The following LRRTM4 variants were observed in gnomAD, a reference collection of about 807,000 sequenced individuals.
The protein encoded by LRRTM4 is leucine-rich repeat transmembrane neuronal protein 4.
In LRRTM4, 25 loss-of-function variants were observed where a neutral mutation model predicts 47.6. The ratio of observed to expected loss-of-function variants is 0.53; its 90% CI spans 0.38 to 0.73. The LOEUF (loss-of-function observed/expected upper bound fraction) is 0.73, where lower values mean the gene tolerates loss of function less well. LRRTM4 is among the 30% of genes least tolerant of loss of function. LRRTM4 has a pLI of 0.00. For synonymous variants in LRRTM4, 311 were observed against 269.5 expected (o/e 1.15, Z -1.51); for missense variants, 638 against 713.4 (o/e 0.89, Z 1.20).
At chr2:76,958,695 C>G (rs1675756905) in intron 3 of LRRTM4, among the ~76,000 whole-genome samples, 1 of 151,718 alleles carries the variant, frequency 6.6e-6, no homozygotes, top group African/African-American at 2.4e-5. Context: ...GGGTAACTTT[C>G]ATGTTTCACT....
intron 3 of LRRTM4, among the ~76,000 whole-genome samples, chr2:76,906,347 C>T (rs550488085): frequency 4.2e-4 from 64 of 152,076 alleles, no homozygotes; most frequent in African/African-American, 1.1e-3. Context: ...CTGAAGGAAG[C>T]GCTAAACGTG....
intron 3 of LRRTM4, among the ~76,000 whole-genome samples, chr2:77,206,877 G>A (rs1674141852): frequency 6.6e-6 from 1 of 151,876 alleles, no homozygotes; most frequent in Non-Finnish European, 1.5e-5. Flanking sequence ...CTTAATTAAG[G>A]CAGCGTGGGT....
At chr2:77,411,009 A>T (rs1674399337) in intron 3 of LRRTM4, among the ~76,000 whole-genome samples, 1 of 152,208 alleles carries the variant, frequency 6.6e-6, no homozygotes, top group Non-Finnish European at 1.5e-5. Context: ...TATTTTCAAG[A>T]TTATAATCTA....
intron 3 of LRRTM4, among the ~76,000 whole-genome samples, chr2:76,871,503 G>A (rs370380974): frequency 2.6e-5 from 4 of 152,208 alleles, no homozygotes; most frequent in Admixed American, 1.3e-4. Context: ...TGAAAATCTT[G>A]TTTTTCTGCC....
intron 3 of LRRTM4, among the ~76,000 whole-genome samples, chr2:77,341,659 GC>G (rs1671377998): frequency 6.6e-6 from 1 of 151,978 alleles, no homozygotes; most frequent in African/African-American, 2.4e-5. Context: ...AAAAATTAAT[GC>G]CCTTGCAATT....
chr2:77,504,667 T>G (rs973674491), intron 3 of LRRTM4, among the ~76,000 whole-genome samples: 8 of 151,620 alleles, frequency 5.3e-5, no homozygotes, highest in African/African-American at 1.9e-4. Context: ...CATGTAATGA[T>G]CTAACAATTT....
intron 3 of LRRTM4, among the ~76,000 whole-genome samples, chr2:77,291,039 T>C (rs1676809802): frequency 6.6e-6 from 1 of 152,082 alleles, no homozygotes; most frequent in African/African-American, 2.4e-5. Context: ...TTCTGTCCTA[T>C]TGAATAAGGT....
chr2:77,459,700 T>A (rs1676706532), intron 3 of LRRTM4, among the ~76,000 whole-genome samples: 1 of 151,704 alleles, frequency 6.6e-6, no homozygotes, highest in Non-Finnish European at 1.5e-5. Context: ...CGAAAAGTAG[T>A]TATTTTTTCA....
intron 3 of LRRTM4, among the ~76,000 whole-genome samples, chr2:76,795,341 G>GAGTTCTATATC (rs79514485): frequency 0.12 from 17,530 of 152,024 alleles, 1,312 homozygotes; most frequent in Admixed American, 0.21. Context: ...TCATGTCTGT[G>GAGTTCTATATC]AGTTCTATAT....
intron 3 of LRRTM4, among the ~76,000 whole-genome samples, chr2:76,789,509 T>G (rs1354448120): frequency 2.0e-5 from 3 of 152,166 alleles, no homozygotes; most frequent in East Asian, 1.9e-4. Flanking sequence ...AGAGGAAAAT[T>G]CAAAAACATA....
At chr2:77,028,442 G>C (rs1408716789) in intron 3 of LRRTM4, among the ~76,000 whole-genome samples, 2 of 152,080 alleles carry the variant, frequency 1.3e-5, no homozygotes, top group Admixed American at 6.5e-5. Context: ...AATCCCAAGA[G>C]AGTATAAAGA....
intron 3 of LRRTM4, among the ~76,000 whole-genome samples, chr2:77,084,557 G>C (rs553839643): frequency 6.6e-6 from 1 of 152,232 alleles, no homozygotes; most frequent in Admixed American, 6.5e-5. Context: ...GTTTATGCAT[G>C]TTTTAACAAT....
At chr2:77,160,538 CAA>C (rs1433097265) in intron 3 of LRRTM4, among the ~76,000 whole-genome samples, 29 of 151,928 alleles carry the variant, frequency 1.9e-4, no homozygotes, top group South Asian at 6.2e-4. Context: ...CCTTTACTGA[CAA>C]GAGATTTCCT....
chr2:76,771,193 C>A (rs915858728), intron 3 of LRRTM4, among the ~76,000 whole-genome samples: 1 of 152,086 alleles, frequency 6.6e-6, no homozygotes, highest in Non-Finnish European at 1.5e-5. Flanking sequence ...TCCTCACTTT[C>A]AATTCAAAGA....
At chr2:76,828,360 A>G (rs948665887) in intron 3 of LRRTM4, among the ~76,000 whole-genome samples, 8 of 151,990 alleles carry the variant, frequency 5.3e-5, no homozygotes, top group African/African-American at 1.9e-4. Context: ...GTGTCTAAAA[A>G]TGAAGCAATA....
chr2:77,488,343 G>A (rs866030663), intron 3 of LRRTM4, among the ~76,000 whole-genome samples: 1 of 152,204 alleles, frequency 6.6e-6, no homozygotes, highest in South Asian at 2.1e-4. Context: ...GGCAAGCCTG[G>A]TTGTGTGCGG....
chr2:77,431,166 A>C (rs1383536925), intron 3 of LRRTM4, among the ~76,000 whole-genome samples: 3 of 148,986 alleles, frequency 2.0e-5, no homozygotes, highest in African/African-American at 7.8e-5. Flanking sequence ...AATTCCCCTA[A>C]TAAATCTTCT....
At chr2:77,145,664 C>T (rs1216661115) in intron 3 of LRRTM4, among the ~76,000 whole-genome samples, 1 of 151,586 alleles carries the variant, frequency 6.6e-6, no homozygotes, top group Non-Finnish European at 1.5e-5. Flanking sequence ...GTCCCAGCTA[C>T]TCGGGAGGCT....
chr2:76,851,048 A>G (rs1671978192), intron 3 of LRRTM4, among the ~76,000 whole-genome samples: 1 of 152,192 alleles, frequency 6.6e-6, no homozygotes, highest in South Asian at 2.1e-4. Context: ...CTGAAGCCCC[A>G]CTTGGGCTAA....
Sources: allele counts gnomAD v4.1 joint callset (sites outside exome capture counted in the v4.1 genomes callset), GRCh38; gene constraint gnomAD v4.1.1; transcripts MANE v1.5; gene names NCBI Gene and HGNC (gene_info 2026-07-23, HGNC 2026-07-21).